Variants in KCNIP4 observed in about 807,000 individuals in gnomAD.
KCNIP4 encodes potassium voltage-gated channel interacting protein 4.
KCNIP4 carries 12 observed loss-of-function variants against 34.0 expected under a neutral mutation model. The ratio of observed to expected loss-of-function variants is 0.35; its 90% CI spans 0.23 to 0.57. The LOEUF (loss-of-function observed/expected upper bound fraction) is 0.57, where lower values mean the gene tolerates loss of function less well. Ranked by LOEUF, KCNIP4 falls within the 20% of genes least tolerant of loss-of-function variation. The pLI is 0.83. For missense variants in KCNIP4, 238 were observed against 311.7 expected (o/e 0.76, Z 1.78); for synonymous variants, 124 against 102.2 (o/e 1.21, Z -1.29).
At chr4:20,896,284 A>G (rs1726521927) in intron 1 of KCNIP4, among the ~76,000 whole-genome samples, 1 of 152,166 alleles carries the variant, frequency 6.6e-6, no homozygotes, top group South Asian at 2.1e-4. Context: ...CCCTGTAGGA[A>G]TTTAACTTTT....
intron 1 of KCNIP4, among the ~76,000 whole-genome samples, chr4:21,449,214 A>G (rs573997465): frequency 6.6e-6 from 1 of 152,270 alleles, no homozygotes; most frequent in East Asian, 1.9e-4. Flanking sequence ...GTTGAATTTT[A>G]AAATTGCCTG....
intron 1 of KCNIP4, among the ~76,000 whole-genome samples, chr4:20,907,520 T>G (rs925979764): frequency 2.6e-5 from 4 of 152,156 alleles, no homozygotes; most frequent in Non-Finnish European, 5.9e-5. Context: ...CATTGAGGTA[T>G]TACATATAAC....
chr4:20,814,848 GA>G (rs1160931916), intron 3 of KCNIP4, among the ~76,000 whole-genome samples: 3 of 152,104 alleles, frequency 2.0e-5, no homozygotes, highest in Non-Finnish European at 4.4e-5. Context: ...CAGAGATACA[GA>G]AAAAAACAAA....
At chr4:21,096,838 C>A (rs1281039805) in intron 1 of KCNIP4, among the ~76,000 whole-genome samples, 1 of 151,978 alleles carries the variant, frequency 6.6e-6, no homozygotes. Context: ...AGCTATGATA[C>A]CTGATCAGAA....
At chr4:21,448,837 A>C (rs370487134) in intron 1 of KCNIP4, among the ~76,000 whole-genome samples, 1 of 152,286 alleles carries the variant, frequency 6.6e-6, no homozygotes, top group East Asian at 1.9e-4. Context: ...TTCTTGTTTG[A>C]TGATGTAAAT....
At chr4:21,938,204 T>G (rs1384895513) in intron 1 of KCNIP4, among the ~76,000 whole-genome samples, 1 of 152,176 alleles carries the variant, frequency 6.6e-6, no homozygotes, top group Non-Finnish European at 1.5e-5. Flanking sequence ...AGTAGCTTTC[T>G]ACGACTATCC....
intron 3 of KCNIP4, among the ~76,000 whole-genome samples, chr4:20,770,327 G>C (rs975350109): frequency 2.0e-5 from 3 of 152,168 alleles, no homozygotes; most frequent in Non-Finnish European, 4.4e-5. Context: ...TATTTTTTAT[G>C]AGTGCTAAGA....
chr4:20,864,030 A>ATATG (rs1342225069), intron 2 of KCNIP4, among the ~76,000 whole-genome samples: 3 of 110,486 alleles, frequency 2.7e-5, no homozygotes, highest in African/African-American at 4.2e-5. Flanking sequence ...GTATACATAC[A>ATATG]TATGTATGTA....
At chr4:21,433,814 C>T (rs1359964024) in intron 1 of KCNIP4, among the ~76,000 whole-genome samples, 1 of 152,192 alleles carries the variant, frequency 6.6e-6, no homozygotes, top group African/African-American at 2.4e-5. Flanking sequence ...TCCCGATATT[C>T]TGCCTAATGA....
intron 1 of KCNIP4, among the ~76,000 whole-genome samples, chr4:21,833,829 C>T (rs1457831885): frequency 6.6e-6 from 1 of 152,170 alleles, no homozygotes; most frequent in East Asian, 1.9e-4. Context: ...GTTTTCCCAG[C>T]ACCATTTATT....
chr4:21,016,119 C>T (rs911960630), intron 1 of KCNIP4, among the ~76,000 whole-genome samples: 2 of 150,466 alleles, frequency 1.3e-5, no homozygotes, highest in African/African-American at 4.9e-5. Flanking sequence ...ATGTAATCTT[C>T]ATTTGCACGA....
intron 5 of KCNIP4, among the ~76,000 whole-genome samples, chr4:20,739,326 C>G (rs1750488159): frequency 6.6e-6 from 1 of 152,178 alleles, no homozygotes; most frequent in Non-Finnish European, 1.5e-5. Flanking sequence ...TGGGAAACAC[C>G]TCCTAGTAGG....
intron 1 of KCNIP4, among the ~76,000 whole-genome samples, chr4:20,948,294 T>C (rs1434950): frequency 0.78 from 118,746 of 152,174 alleles, 46,498 homozygotes; most frequent in East Asian, 0.84. Flanking sequence ...AAGCAAAATT[T>C]AATAAGTATT....
chr4:21,252,382 T>A (rs990444046), intron 1 of KCNIP4, among the ~76,000 whole-genome samples: 1 of 152,090 alleles, frequency 6.6e-6, no homozygotes, highest in Admixed American at 6.6e-5. Flanking sequence ...CGCCTCGGCC[T>A]CCCAAAGTAC....
chr4:21,811,766 G>A (rs898175850), intron 1 of KCNIP4, among the ~76,000 whole-genome samples: 1 of 152,206 alleles, frequency 6.6e-6, no homozygotes, highest in Non-Finnish European at 1.5e-5. Context: ...AAGGTCACAG[G>A]ATAGCTAGCA....
chr4:21,051,776 C>A (rs1037306114), intron 1 of KCNIP4, among the ~76,000 whole-genome samples: 1 of 152,124 alleles, frequency 6.6e-6, no homozygotes. Context: ...GCAAGCTGAT[C>A]TTGCTCCAAG....
chr4:21,373,091 T>G (rs2109446642), intron 1 of KCNIP4, among the ~76,000 whole-genome samples: 1 of 143,172 alleles, frequency 7.0e-6, no homozygotes, highest in South Asian at 2.2e-4. Flanking sequence ...TAAAAAAAAT[T>G]TTCTAATGGT....
intron 1 of KCNIP4, among the ~76,000 whole-genome samples, chr4:20,967,520 C>T (rs953021889): frequency 6.6e-6 from 1 of 152,200 alleles, no homozygotes; most frequent in African/African-American, 2.4e-5. Context: ...TGCTACCTGA[C>T]TTCAAACTAT....
chr4:21,715,090 T>TTTATTTTATTTTATTTTA lies in KCNIP4; in HGVS notation c.61+233480_61+233481insTAAAATAAAATAAAATAA, dbSNP rs1553924052. 9.8e-4 allele frequency among the ~76,000 whole-genome samples: 17 copies of TTTATTTTATTTTATTTTA among 17,362 alleles called. 5 individuals are homozygous for TTTATTTTATTTTATTTTA. In the East Asian group the frequency reaches 0.022, roughly 23 times the overall value. The allele number at this position is 17,362 out of a possible 152,430, so 11.4% of individuals were successfully genotyped here. On this transcript the variant is annotated intron_variant, in intron 1 of 8. Transcript: ENST00000382152. The stretch of plus-strand genomic sequence containing the variant: ...TTTTATTTTATTTTATTTTATTTTA[T>TTTATTTTATTTTATTTTA]TTATTTTTGAGATGGAGTCTGGCTG...
Sources: gnomAD v4.1 joint callset for allele counts (sites outside exome capture counted in the v4.1 genomes callset) on GRCh38, gnomAD v4.1.1 for gene constraint, MANE v1.5 for transcripts, NCBI Gene and HGNC (gene_info 2026-07-23, HGNC 2026-07-21) for gene names.